Variants in GUCY1B1 observed in about 807,000 individuals in gnomAD.
The protein encoded by GUCY1B1 is guanylate cyclase 1 soluble subunit beta 1, also known as guanylate cyclase soluble subunit beta-1.
GUCY1B1 carries 43 observed loss-of-function variants against 71.0 expected under a neutral mutation model. The observed-to-expected ratio is 0.61, with a 90% confidence interval of 0.47 to 0.78. GUCY1B1 has a LOEUF of 0.78. GUCY1B1 is among the 30% of genes least tolerant of loss of function. The pLI is 0.00. For missense variants in GUCY1B1, 535 were observed against 754.1 expected (o/e 0.71, Z 3.40); for synonymous variants, 266 against 259.7 (o/e 1.02, Z -0.23).
intron 2 of GUCY1B1, among the ~76,000 whole-genome samples, chr4:155,765,696 C>T (rs1737286843): frequency 2.0e-5 from 3 of 152,166 alleles, no homozygotes. Flanking sequence ...GGTCAATCTT[C>T]AGATAACCCA....
intron 4 of GUCY1B1, among the ~76,000 whole-genome samples, chr4:155,779,970 A>G (rs1326688960): frequency 6.6e-6 from 1 of 151,904 alleles, no homozygotes; most frequent in African/African-American, 2.4e-5. Flanking sequence ...ACTTTTCTCT[A>G]TTTCCCCCCA....
At chr4:155,777,691 C>T (rs772117995) in intron 4 of GUCY1B1, 49 bp downstream of exon 4, 1 of 872,702 alleles carries the variant, frequency 1.1e-6, no homozygotes, top group South Asian at 1.4e-5. Context: ...TTATAACTCT[C>T]AAATATAGAC....
rs775196991 is a variant in GUCY1B1, at chr4:155,759,868, G to T, written c.77+8G>T. 6.2e-7 allele frequency: 1 copy of T among 1,607,770 alleles called. No homozygotes were observed. Among genetic ancestry groups the T allele is most frequent in the South Asian group, 1.1e-5 (1 of 90,920 alleles). On this transcript the variant is annotated splice_region_variant and intron_variant, in intron 2 of 13. Coordinates refer to ENST00000264424, the MANE Select transcript of GUCY1B1 (RefSeq NM_000857.5). ...GGTGTGGGAAGACATCAAGTAAGTG[G>T]CCGGCTACCCTGGCTGTGGCCCAGG...
chr4:155,777,716 G>A (rs779010331), intron 4 of GUCY1B1, 74 bp downstream of exon 4: 1 of 771,376 alleles, frequency 1.3e-6, no homozygotes, highest in East Asian at 2.5e-5. Context: ...GAATACTTTT[G>A]TTCACTCAGC....
chr4:155,759,514 T>C, intron 1 of GUCY1B1: 1 of 486,380 alleles, frequency 2.1e-6, no homozygotes, highest in South Asian at 3.1e-5. Context: ...CTGCCCCCGA[T>C]GCCCAGCCTC....
chr4:155,775,611 C>T (rs1255571194), intron 3 of GUCY1B1, among the ~76,000 whole-genome samples: 1 of 152,082 alleles, frequency 6.6e-6, no homozygotes, highest in African/African-American at 2.4e-5. Context: ...TTGTCTCCCC[C>T]AACAGAAAGC....
chr4:155,798,309 G>A (rs1579251708), intron 8 of GUCY1B1, among the ~76,000 whole-genome samples: 1 of 152,046 alleles, frequency 6.6e-6, no homozygotes, highest in Non-Finnish European at 1.5e-5. Flanking sequence ...ATGATATAGG[G>A]CATTTTTAGA....
chr4:155,759,255 T>G, intron 1 of GUCY1B1, 112 bp downstream of exon 1: 1 of 1,081,254 alleles, frequency 9.2e-7, no homozygotes. Context: ...GGGCGCTCAC[T>G]GCCGGCCACG....
intron 3 of GUCY1B1, 24 bp downstream of exon 3, chr4:155,775,092 C>T (rs779802403): frequency 3.3e-5 from 41 of 1,251,648 alleles, no homozygotes; most frequent in Non-Finnish European, 4.1e-5. Context: ...AACTTTCCTT[C>T]TTTGGCCAAG....
At chr4:155,767,119 T>A (rs1171195041) in intron 2 of GUCY1B1, among the ~76,000 whole-genome samples, 3 of 152,210 alleles carry the variant, frequency 2.0e-5, no homozygotes, top group Non-Finnish European at 4.4e-5. Context: ...GTAATTATCA[T>A]GTTATGTGTT....
intron 5 of GUCY1B1, among the ~76,000 whole-genome samples, chr4:155,790,134 T>C (rs146892313): frequency 6.6e-6 from 1 of 152,260 alleles, no homozygotes; most frequent in East Asian, 1.9e-4. Context: ...TCTAATTATA[T>C]AGTGTTCAAG....
chr4:155,784,038 A>G (rs1334926060), intron 4 of GUCY1B1, among the ~76,000 whole-genome samples: 1 of 152,192 alleles, frequency 6.6e-6, no homozygotes, highest in Admixed American at 6.5e-5. Flanking sequence ...AGTATTATAT[A>G]GACTGGATCT....
intron 4 of GUCY1B1, among the ~76,000 whole-genome samples, chr4:155,784,167 T>G (rs1467792146): frequency 6.6e-6 from 1 of 152,170 alleles, no homozygotes; most frequent in Non-Finnish European, 1.5e-5. Flanking sequence ...TAACGCTATT[T>G]CCATTTAAAT....
chr4:155,759,835 G>A lies in GUCY1B1; in HGVS notation c.52G>A (p.Gly18Ser). 1.2e-6 allele frequency: 2 copies of A among 1,612,890 alleles called. No individual in the cohort carries two copies. Among genetic ancestry groups the A allele is most frequent in the East Asian group, 2.2e-5 (1 of 44,716 alleles). ...ALELLVIRNY[G>S]PEVWEDIKKE... ...GGAGTTGCTGGTGATCCGCAATTAC[G>A]GCCCCGAGGTGTGGGAAGACATCAA... The change falls in exon 2 of 14, where the codon GGC becomes AGC. Residue 18 changes from glycine to serine, a missense_variant. Physicochemically the swap from Gly to Ser is moderately conservative, Grantham distance 56. Coordinates refer to ENST00000264424, the MANE Select transcript of GUCY1B1 (RefSeq NM_000857.5).
chr4:155,788,329 T>C (rs1479999576), intron 4 of GUCY1B1, among the ~76,000 whole-genome samples: 1 of 152,216 alleles, frequency 6.6e-6, no homozygotes, highest in East Asian at 1.9e-4. Context: ...CCTGGAGACC[T>C]CTCTCCAGTC....
chr4:155,763,216 C>T (rs1006392513), intron 2 of GUCY1B1, among the ~76,000 whole-genome samples: 9 of 152,016 alleles, frequency 5.9e-5, no homozygotes, highest in African/African-American at 4.8e-5. Context: ...TGGGTAGCAG[C>T]GGAGGGAAGC....
At chr4:155,766,678 G>T (rs1188924558) in intron 2 of GUCY1B1, among the ~76,000 whole-genome samples, 1 of 152,094 alleles carries the variant, frequency 6.6e-6, no homozygotes, top group East Asian at 1.9e-4. Context: ...GAAGGACTAA[G>T]AACTCTATTG....
chr4:155,786,945 G>C (rs1442177795), intron 4 of GUCY1B1, among the ~76,000 whole-genome samples: 1 of 152,114 alleles, frequency 6.6e-6, no homozygotes, highest in East Asian at 1.9e-4. Context: ...CACAGTACCT[G>C]GGCCTGACTC....
intron 4 of GUCY1B1, among the ~76,000 whole-genome samples, chr4:155,786,486 T>TTTTG (rs1738789360): frequency 8.2e-6 from 1 of 122,614 alleles, no homozygotes; most frequent in African/African-American, 3.3e-5. Flanking sequence ...TTTTTTTTTT[T>TTTTG]TGAGATGGAG....
Sources: gnomAD v4.1 joint callset for allele counts (sites outside exome capture counted in the v4.1 genomes callset) on GRCh38, gnomAD v4.1.1 for gene constraint, MANE v1.5 for transcripts, NCBI Gene and HGNC (gene_info 2026-07-23, HGNC 2026-07-21) for gene names.